The following FRYL variants were observed in gnomAD, a reference collection of about 807,000 sequenced individuals.
FRYL encodes the protein protein furry homolog-like.
In FRYL, 150 loss-of-function variants were observed where a neutral mutation model predicts 351.2. The ratio of observed to expected loss-of-function variants is 0.43; its 90% CI spans 0.37 to 0.49. The LOEUF (loss-of-function observed/expected upper bound fraction) is 0.49, where lower values mean the gene tolerates loss of function less well. Ranked by LOEUF, FRYL falls within the 20% of genes least tolerant of loss-of-function variation. The pLI is 0.00. For missense variants in FRYL, 3,036 were observed against 3,619.3 expected (o/e 0.84, Z 4.13); for synonymous variants, 1,153 against 1,257.1 (o/e 0.92, Z 1.75).
intron 4 of FRYL, among the ~76,000 whole-genome samples, chr4:48,633,189 T>C (rs938790): frequency 0.95 from 144,166 of 152,198 alleles, 68,389 homozygotes; most frequent in South Asian, 0.98. Flanking sequence ...TGTCACCTAT[T>C]TAAGTTGGCA....
intron 1 of FRYL, among the ~76,000 whole-genome samples, chr4:48,742,759 T>C (rs1362579250): frequency 6.6e-6 from 1 of 152,116 alleles, no homozygotes; most frequent in East Asian, 1.9e-4. Flanking sequence ...AATTTCAATT[T>C]GCCAAGAGTG....
chr4:48,607,630 C>A (rs1161134258), intron 9 of FRYL, among the ~76,000 whole-genome samples: 1 of 152,140 alleles, frequency 6.6e-6, no homozygotes, highest in East Asian at 1.9e-4. Flanking sequence ...CTCTTCCCCA[C>A]TCCCACTCAA....
At chr4:48,712,181 G>A (rs886824570) in intron 1 of FRYL, among the ~76,000 whole-genome samples, 12 of 152,208 alleles carry the variant, frequency 7.9e-5, no homozygotes, top group South Asian at 4.1e-4. Flanking sequence ...CCAACGGAAC[G>A]CAGTTCCTCA....
chr4:48,760,447 T>C (rs188392052), intron 1 of FRYL, among the ~76,000 whole-genome samples: 32 of 152,340 alleles, frequency 2.1e-4, no homozygotes, highest in Non-Finnish European at 3.7e-4. Flanking sequence ...GAATTTATCT[T>C]AGGGTTGTCT....
intron 3 of FRYL, among the ~76,000 whole-genome samples, chr4:48,658,501 G>A (rs1578574295): frequency 6.7e-6 from 1 of 148,400 alleles, no homozygotes. Context: ...ACTCTGGGGG[G>A]CCCAGGTGGA....
chr4:48,524,969 G>A (rs1304687614), intron 53 of FRYL, among the ~76,000 whole-genome samples: 5 of 149,488 alleles, frequency 3.3e-5, no homozygotes, highest in South Asian at 2.1e-4. Context: ...ATTCCACTCC[G>A]TTACTTGGTT....
At chr4:48,508,980 C>T (rs1232411875) in intron 59 of FRYL, among the ~76,000 whole-genome samples, 2 of 152,150 alleles carry the variant, frequency 1.3e-5, no homozygotes, top group Non-Finnish European at 2.9e-5. Context: ...AGCAAAGTCA[C>T]ATTGCAAAGG....
chr4:48,656,721 T>C, intron 3 of FRYL, among the ~76,000 whole-genome samples: 2 of 54,324 alleles, frequency 3.7e-5, no homozygotes, highest in Middle Eastern at 0.02. Flanking sequence ...TGTATATATA[T>C]GACTGACTAT....
intron 11 of FRYL, among the ~76,000 whole-genome samples, chr4:48,605,181 G>A (rs565215782): frequency 4.6e-4 from 70 of 152,228 alleles, no homozygotes; most frequent in South Asian, 4.1e-3. Context: ...AGTTTTGTGT[G>A]TCCCCATTTT....
intron 1 of FRYL, among the ~76,000 whole-genome samples, chr4:48,779,285 G>A (rs561975175): frequency 1.3e-5 from 2 of 152,304 alleles, no homozygotes; most frequent in South Asian, 2.1e-4. Context: ...GCCCGGTGCC[G>A]AGGCTGAGAG....
chr4:48,742,987 T>A (rs1419796781), intron 1 of FRYL, among the ~76,000 whole-genome samples: 45 of 139,928 alleles, frequency 3.2e-4, no homozygotes, highest in South Asian at 1.9e-3. Context: ...TTTTTTTTTT[T>A]TTTTTTTTTT....
rs568061790 is a variant in FRYL at position 48,632,967 on chromosome 4, T to C, written c.120+1324A>G. ...ACAGGTTCTAAAGCCAATATATTAT[T>C]GTGCCTAACTCCTCAGTGCGCCGTC... is the stretch of plus-strand genomic sequence containing the variant. On this transcript the variant is annotated intron_variant, in intron 4 of 63. Transcript: ENST00000358350. Among the ~76,000 whole-genome samples, 3 of 152,322 alleles carry C rather than the reference T, an allele frequency of 2.0e-5. No homozygotes were observed. The South Asian group carries it at 6.2e-4, about 32-fold the overall frequency.
intron 2 of FRYL, among the ~76,000 whole-genome samples, chr4:48,705,806 C>G (rs1578777503): frequency 6.6e-6 from 1 of 152,114 alleles, no homozygotes; most frequent in East Asian, 1.9e-4. Context: ...GACCATACTT[C>G]CTGGTATTCA....
intron 8 of FRYL, 64 bp from the exon 9 acceptor site, chr4:48,609,131 T>C (rs1250916745): frequency 8.9e-6 from 9 of 1,013,688 alleles, no homozygotes; most frequent in African/African-American, 1.6e-5. Context: ...TCTTTCCTAA[T>C]ACATATGAAA....
At chr4:48,600,876 C>T (rs1745556020) in intron 13 of FRYL, among the ~76,000 whole-genome samples, 1 of 151,988 alleles carries the variant, frequency 6.6e-6, no homozygotes, top group Non-Finnish European at 1.5e-5. Flanking sequence ...TTGATTTGGT[C>T]CTGGGAATTT....
chr4:48,662,447 ATAAAG>A (rs1432264781), intron 3 of FRYL, among the ~76,000 whole-genome samples: 3 of 152,132 alleles, frequency 2.0e-5, no homozygotes, highest in Non-Finnish European at 2.9e-5. Context: ...TATTTTTTAA[ATAAAG>A]TAAATTTAGA....
At chr4:48,721,594 C>T (rs1026030550) in intron 1 of FRYL, among the ~76,000 whole-genome samples, 2 of 152,124 alleles carry the variant, frequency 1.3e-5, no homozygotes, top group African/African-American at 4.8e-5. Flanking sequence ...ATATACACAG[C>T]TTAAAACTTG....
chr4:48,726,465 T>C (rs894815860), intron 1 of FRYL, among the ~76,000 whole-genome samples: 2 of 152,098 alleles, frequency 1.3e-5, no homozygotes, highest in Non-Finnish European at 2.9e-5. Flanking sequence ...GTGGATCACT[T>C]GAGATCAGGA....
intron 4 of FRYL, among the ~76,000 whole-genome samples, chr4:48,626,802 T>C (rs1207123926): frequency 2.0e-5 from 3 of 152,260 alleles, no homozygotes; most frequent in South Asian, 4.1e-4. Flanking sequence ...TTTTCTCTCA[T>C]GTGTGATTAA....
Sources: allele counts gnomAD v4.1 joint callset (sites outside exome capture counted in the v4.1 genomes callset), GRCh38; gene constraint gnomAD v4.1.1; transcripts MANE v1.5; gene names NCBI Gene and HGNC (gene_info 2026-07-23, HGNC 2026-07-21).